GRIK2: variants seen among roughly 807,000 people sequenced by gnomAD.
The protein encoded by GRIK2 is glutamate ionotropic receptor kainate type subunit 2.
In GRIK2, 32 loss-of-function variants were observed where a neutral mutation model predicts 100.3. That is an observed-to-expected ratio of 0.32 (90% CI 0.24 to 0.43). GRIK2 has a LOEUF of 0.43. Ranked by LOEUF, GRIK2 falls within the 20% of genes least tolerant of loss-of-function variation. The probability of loss-of-function intolerance (pLI) is 1.00; values close to 1 mark genes in which losing one functional copy is unlikely to be tolerated. For synonymous variants in GRIK2, 417 were observed against 389.4 expected (o/e 1.07, Z -0.83); for missense variants, 843 against 1,114.9 (o/e 0.76, Z 3.47).
intron 4 of GRIK2, among the ~76,000 whole-genome samples, chr6:101,671,377 C>A (rs962127331): frequency 8.4e-6 from 1 of 118,602 alleles, no homozygotes; most frequent in Non-Finnish European, 2.0e-5. Flanking sequence ...TGATAAGTAC[C>A]TAGATGTTCC....
intron 15 of GRIK2, among the ~76,000 whole-genome samples, chr6:102,054,271 A>T (rs1032232292): frequency 6.6e-6 from 1 of 152,164 alleles, no homozygotes; most frequent in Admixed American, 6.5e-5. Context: ...ACTAAAAGAG[A>T]TGTATAGATG....
chr6:101,921,996 C>A (rs888958808), intron 12 of GRIK2, among the ~76,000 whole-genome samples: 1 of 151,502 alleles, frequency 6.6e-6, no homozygotes, highest in African/African-American at 2.4e-5. Context: ...TTATTTTTTT[C>A]TCTTTTGAAT....
intron 4 of GRIK2, among the ~76,000 whole-genome samples, chr6:101,669,850 G>T (rs1467853815): frequency 6.6e-6 from 1 of 151,926 alleles, no homozygotes; most frequent in Non-Finnish European, 1.5e-5. Flanking sequence ...GGAATTCAGA[G>T]ACTTGTATCT....
At chr6:102,036,230 AACACACACAC>A (rs775417100) in intron 15 of GRIK2, among the ~76,000 whole-genome samples, 1 of 146,212 alleles carries the variant, frequency 6.8e-6, no homozygotes, top group Non-Finnish European at 1.5e-5. Flanking sequence ...GCCGTAAGTA[AACACACACAC>A]ACACACACAC....
intron 2 of GRIK2, among the ~76,000 whole-genome samples, chr6:101,418,364 G>A (rs963990913): frequency 1.3e-5 from 2 of 152,266 alleles, no homozygotes; most frequent in Admixed American, 1.3e-4. Context: ...TCAGTGCAGA[G>A]TTTAACAGCC....
intron 7 of GRIK2, among the ~76,000 whole-genome samples, chr6:101,774,611 T>A (rs1778623776): frequency 1.3e-5 from 2 of 152,176 alleles, no homozygotes; most frequent in African/African-American, 4.8e-5. Context: ...AAAAAAAATT[T>A]AATTAGGTAA....
intron 2 of GRIK2, among the ~76,000 whole-genome samples, chr6:101,487,947 A>C (rs1772914204): frequency 6.8e-6 from 1 of 146,412 alleles, no homozygotes; most frequent in Non-Finnish European, 1.5e-5. Flanking sequence ...ACGGGAAAAA[A>C]AATCTGTATT....
At chr6:102,046,728 A>G (rs1015172259) in intron 15 of GRIK2, among the ~76,000 whole-genome samples, 7 of 152,166 alleles carry the variant, frequency 4.6e-5, no homozygotes, top group Non-Finnish European at 1.0e-4. Flanking sequence ...AAACATATAT[A>G]GAACTTTCCA....
intron 11 of GRIK2, among the ~76,000 whole-genome samples, chr6:101,861,738 G>C (rs1294312845): frequency 6.6e-6 from 1 of 152,022 alleles, no homozygotes; most frequent in African/African-American, 2.4e-5. Flanking sequence ...CTTAGAGTTT[G>C]ATATTTCGCA....
intron 7 of GRIK2, among the ~76,000 whole-genome samples, chr6:101,797,224 G>A (rs895112606): frequency 1.3e-5 from 2 of 151,768 alleles, no homozygotes; most frequent in South Asian, 2.1e-4. Flanking sequence ...CATACATTAC[G>A]TGTTAATCTT....
At chr6:101,728,143 A>G (rs1055537444) in intron 7 of GRIK2, among the ~76,000 whole-genome samples, 2 of 152,048 alleles carry the variant, frequency 1.3e-5, no homozygotes, top group African/African-American at 4.8e-5. Context: ...TAATTTGGTT[A>G]ACTTATCACA....
intron 12 of GRIK2, among the ~76,000 whole-genome samples, chr6:101,894,916 G>A (rs952031873): frequency 1.3e-5 from 2 of 151,594 alleles, no homozygotes; most frequent in Non-Finnish European, 3.0e-5. Context: ...AGGAATAATG[G>A]TACACACATA....
chr6:101,531,119 C>T (rs1352072824), intron 2 of GRIK2, among the ~76,000 whole-genome samples: 2 of 151,904 alleles, frequency 1.3e-5, no homozygotes, highest in Non-Finnish European at 2.9e-5. Context: ...TTAGACTTAT[C>T]AGTTTGAAGT....
intron 16 of GRIK2, among the ~76,000 whole-genome samples, chr6:102,058,719 C>T (rs1446407953): frequency 1.3e-5 from 2 of 151,236 alleles, no homozygotes; most frequent in African/African-American, 4.8e-5. Flanking sequence ...GTGTCTTTAA[C>T]CTAGATGTCT....
intron 2 of GRIK2, among the ~76,000 whole-genome samples, chr6:101,411,752 A>G (rs1305933800): frequency 6.6e-6 from 1 of 152,058 alleles, no homozygotes; most frequent in Admixed American, 6.6e-5. Context: ...AACACCACTC[A>G]AGGGCTTATT....
intron 2 of GRIK2, among the ~76,000 whole-genome samples, chr6:101,588,195 A>G (rs1384887459): frequency 6.6e-6 from 1 of 152,114 alleles, no homozygotes; most frequent in African/African-American, 2.4e-5. Flanking sequence ...TATGAAGCTA[A>G]TAGAGTGGAG....
intron 4 of GRIK2, among the ~76,000 whole-genome samples, chr6:101,650,726 T>C (rs1308097762): frequency 1.3e-5 from 2 of 152,144 alleles, no homozygotes; most frequent in Non-Finnish European, 2.9e-5. Flanking sequence ...TTTTCCCTTT[T>C]TCTTTTGTTT....
intron 2 of GRIK2, among the ~76,000 whole-genome samples, chr6:101,480,859 T>C (rs1422216938): frequency 6.6e-6 from 1 of 152,108 alleles, no homozygotes; most frequent in East Asian, 1.9e-4. Flanking sequence ...CAAATATTGG[T>C]AAAGAAACAT....
At chr6:101,450,045 C>G in intron 2 of GRIK2, among the ~76,000 whole-genome samples, 1 of 151,716 alleles carries the variant, frequency 6.6e-6, no homozygotes, top group Non-Finnish European at 1.5e-5. Flanking sequence ...TTAATCAATA[C>G]ATTGACTACT....
Sources: allele counts gnomAD v4.1 joint callset (sites outside exome capture counted in the v4.1 genomes callset), GRCh38; gene constraint gnomAD v4.1.1; transcripts MANE v1.5; gene names NCBI Gene and HGNC (gene_info 2026-07-23, HGNC 2026-07-21).